Variants in FAT3 observed in about 807,000 individuals in gnomAD.
FAT3 encodes FAT atypical cadherin 3, also known as protocadherin Fat 3.
A neutral mutation model predicts 310.2 loss-of-function variants in FAT3; 95 were observed. That is an observed-to-expected ratio of 0.31 (90% CI 0.26 to 0.36). The LOEUF is 0.36. Ranked by LOEUF, FAT3 falls within the 10% of genes least tolerant of loss-of-function variation. The pLI is 1.00. For missense variants in FAT3, 5,408 were observed against 5,715.6 expected, an observed-to-expected ratio of 0.95 and a Z score of 1.74; for synonymous variants, 2,314 against 2,192.9, an observed-to-expected ratio of 1.06 and a Z score of -1.54.
chr11:92,537,067 A>C (rs1351651441), intron 3 of FAT3, among the ~76,000 whole-genome samples: 1 of 152,198 alleles, frequency 6.6e-6, no homozygotes, highest in African/African-American at 2.4e-5. Context: ...CTGCTACAGC[A>C]TTTCCTACTC....
intron 9 of FAT3, among the ~76,000 whole-genome samples, chr11:92,797,536 C>T (rs757951166): frequency 5.3e-5 from 8 of 152,170 alleles, no homozygotes; most frequent in Non-Finnish European, 1.0e-4. Flanking sequence ...ATCTCTCCTT[C>T]GGGCTCTCTT....
intron 2 of FAT3, among the ~76,000 whole-genome samples, chr11:92,522,017 A>T (rs897270610): frequency 3.3e-5 from 5 of 152,090 alleles, no homozygotes; most frequent in African/African-American, 1.2e-4. Flanking sequence ...CCCTCTCATT[A>T]TCTCTGTTCC....
At chr11:92,560,207 T>C (rs550641477) in intron 3 of FAT3, among the ~76,000 whole-genome samples, 1 of 152,350 alleles carries the variant, frequency 6.6e-6, no homozygotes, top group African/African-American at 2.4e-5. Flanking sequence ...TGGCCAATGA[T>C]GTTGAACATT....
At chr11:92,313,861 A>G (rs1302852665) in intron 1 of FAT3, among the ~76,000 whole-genome samples, 2 of 152,222 alleles carry the variant, frequency 1.3e-5, no homozygotes, top group Non-Finnish European at 2.9e-5. Flanking sequence ...CCCGGCCTCA[A>G]ACCTAATTTT....
intron 13 of FAT3, 46 bp downstream of exon 13, chr11:92,810,122 T>C: frequency 6.5e-7 from 1 of 1,544,246 alleles, no homozygotes; most frequent in Non-Finnish European, 8.9e-7. Context: ...GGACACTTTG[T>C]CTTCAGGTGC....
At chr11:92,467,211 T>A (rs1951786510) in intron 2 of FAT3, among the ~76,000 whole-genome samples, 1 of 152,126 alleles carries the variant, frequency 6.6e-6, no homozygotes, top group Non-Finnish European at 1.5e-5. Context: ...TGTAAAAGTG[T>A]TCCTATTTCT....
At chr11:92,401,413 C>T (rs1417747499) in intron 2 of FAT3, among the ~76,000 whole-genome samples, 2 of 152,070 alleles carry the variant, frequency 1.3e-5, no homozygotes, top group Non-Finnish European at 2.9e-5. Context: ...AAAGACTTCC[C>T]CACAGGGCAA....
At position 92,748,443 on chromosome 11, in the gene FAT3, T is replaced by A. The variant is rs1317156251; in HGVS notation, c.3670-13413T>A. Among the ~76,000 whole-genome samples, 3 of 152,334 alleles carry A rather than the reference T, an allele frequency of 2.0e-5. No individual in the cohort carries two copies. The East Asian group carries it at 5.8e-4, about 29-fold the overall frequency. On this transcript the variant is annotated intron_variant, in intron 4 of 27. Coordinates refer to ENST00000525166, the MANE Select transcript of FAT3 (RefSeq NM_001367949.2). ...TTTAATTCTGTTTTTCTCTTTTTCTTTCTTCCTTAATTCTCTTCCTTTCTC... is the reference window on the plus strand; with the variant it reads ...TTTAATTCTGTTTTTCTCTTTTTCTATCTTCCTTAATTCTCTTCCTTTCTC...
chr11:92,688,433 C>T (rs1943698995), intron 3 of FAT3, among the ~76,000 whole-genome samples: 1 of 152,028 alleles, frequency 6.6e-6, no homozygotes, highest in African/African-American at 2.4e-5. Flanking sequence ...AAAGTAATTA[C>T]TATAACCCCA....
chr11:92,754,729 G>A (rs1027077657), intron 4 of FAT3, among the ~76,000 whole-genome samples: 11 of 149,286 alleles, frequency 7.4e-5, no homozygotes, highest in African/African-American at 2.0e-4. Flanking sequence ...TTAGCTGGGC[G>A]TGGTGGTGTG....
chr11:92,300,292 G>A (rs1051456967), intron 1 of FAT3, among the ~76,000 whole-genome samples: 1 of 152,092 alleles, frequency 6.6e-6, no homozygotes, highest in East Asian at 1.9e-4. Context: ...TCAAATTCAT[G>A]CTCTGAGGTC....
intron 3 of FAT3, among the ~76,000 whole-genome samples, chr11:92,668,176 A>G (rs1249436468): frequency 1.3e-5 from 2 of 152,258 alleles, no homozygotes; most frequent in African/African-American, 4.8e-5. Context: ...TCTTATCAGA[A>G]GTTGCCAAAT....
At chr11:92,588,662 G>A (rs1939273182) in intron 3 of FAT3, among the ~76,000 whole-genome samples, 1 of 151,780 alleles carries the variant, frequency 6.6e-6, no homozygotes, top group South Asian at 2.1e-4. Context: ...TCATCAGATT[G>A]GATGAGAACA....
At chr11:92,326,531 C>T (rs74413695) in intron 1 of FAT3, among the ~76,000 whole-genome samples, 1 of 152,338 alleles carries the variant, frequency 6.6e-6, no homozygotes, top group East Asian at 1.9e-4. Context: ...TCCGAAAGCC[C>T]AGCCTTTCCT....
intron 4 of FAT3, among the ~76,000 whole-genome samples, chr11:92,744,675 G>A (rs1225087324): frequency 6.6e-6 from 1 of 152,040 alleles, no homozygotes; most frequent in African/African-American, 2.4e-5. Flanking sequence ...AGACTGGTGG[G>A]CCAGTTTTTT....
chr11:92,291,389 G>A (rs1399654995), intron 1 of FAT3, among the ~76,000 whole-genome samples: 1 of 152,098 alleles, frequency 6.6e-6, no homozygotes, highest in Non-Finnish European at 1.5e-5. Context: ...AGAGAAGACA[G>A]GGTAAGAATG....
intron 2 of FAT3, among the ~76,000 whole-genome samples, chr11:92,403,773 G>C (rs12294755): frequency 1.3e-5 from 2 of 151,988 alleles, no homozygotes; most frequent in Admixed American, 6.6e-5. Context: ...GCAGTGGTTC[G>C]CACCTGTAAT....
At chr11:92,239,258 G>A (rs1424627789) in intron 1 of FAT3, among the ~76,000 whole-genome samples, 1 of 152,054 alleles carries the variant, frequency 6.6e-6, no homozygotes, top group African/African-American at 2.4e-5. Context: ...TGGATTCTGG[G>A]TTTCTGGCCT....
At chr11:92,481,924 A>G (rs1464338630) in intron 2 of FAT3, among the ~76,000 whole-genome samples, 1 of 152,216 alleles carries the variant, frequency 6.6e-6, no homozygotes, top group African/African-American at 2.4e-5. Context: ...CACATAAAGT[A>G]TAATTTAGAA....
Sources: allele counts gnomAD v4.1 joint callset (sites outside exome capture counted in the v4.1 genomes callset), GRCh38; gene constraint gnomAD v4.1.1; transcripts MANE v1.5; gene names NCBI Gene and HGNC (gene_info 2026-07-23, HGNC 2026-07-21).